Variants in PDE8A observed in about 807,000 individuals in gnomAD.
The protein encoded by PDE8A is high affinity cAMP-specific and IBMX-insensitive 3',5'-cyclic phosphodiesterase 8A.
PDE8A carries 59 observed loss-of-function variants against 105.0 expected under a neutral mutation model. That is an observed-to-expected ratio of 0.56 (90% CI 0.46 to 0.70). The LOEUF (loss-of-function observed/expected upper bound fraction) is 0.70. Ranked by LOEUF, PDE8A falls within the 30% of genes least tolerant of loss-of-function variation. The pLI is 0.00. For synonymous variants in PDE8A, 355 were observed against 371.9 expected, an observed-to-expected ratio of 0.95 and a Z score of 0.52; for missense variants, 1,014 against 1,045.9, an observed-to-expected ratio of 0.97 and a Z score of 0.42.
intron 3 of PDE8A, among the ~76,000 whole-genome samples, chr15:85,069,118 G>A (rs772027080): frequency 2.6e-5 from 4 of 152,290 alleles, no homozygotes; most frequent in Non-Finnish European, 4.4e-5. Flanking sequence ...AAAAAGTAAT[G>A]TTACGTGCTC....
At chr15:85,126,058 A>T in intron 19 of PDE8A, 149 bp from the exon 20 acceptor site, 1 of 484,982 alleles carries the variant, frequency 2.1e-6, no homozygotes, top group Non-Finnish European at 3.5e-6. Flanking sequence ...GCCAAGCTCA[A>T]TGCTCACAGT....
chr15:85,123,248 G>A, intron 19 of PDE8A, 55 bp downstream of exon 19: 5 of 1,567,482 alleles, frequency 3.2e-6, no homozygotes, highest in Non-Finnish European at 2.6e-6. Context: ...GTACTGTTGT[G>A]TTATGGAGAC....
At chr15:85,001,359 T>G (rs1473300059) in intron 1 of PDE8A, among the ~76,000 whole-genome samples, 3 of 152,162 alleles carry the variant, frequency 2.0e-5, no homozygotes, top group Non-Finnish European at 2.9e-5. Flanking sequence ...GTATTTGCAA[T>G]ATTCCATTAC....
intron 16 of PDE8A, among the ~76,000 whole-genome samples, chr15:85,116,577 G>A (rs2082100392): frequency 6.6e-6 from 1 of 152,190 alleles, no homozygotes; most frequent in Non-Finnish European, 1.5e-5. Flanking sequence ...CACAGAGAGT[G>A]GGAGCAGGAA....
chr15:85,089,031 G>A (rs2081597742), intron 6 of PDE8A, among the ~76,000 whole-genome samples: 2 of 152,090 alleles, frequency 1.3e-5, no homozygotes, highest in Admixed American at 6.5e-5. Flanking sequence ...GCTTGATGGG[G>A]TTCAGTCACT....
In PDE8A at chr15:85,082,583, TTCACCGTGG is replaced by T. The variant is rs2141500894; in HGVS notation, c.547-971_547-963del. Among the ~76,000 whole-genome samples the T allele has an allele frequency of 2.0e-5, 3 of 152,262 alleles. No homozygotes were observed. In the East Asian group the frequency reaches 5.8e-4, roughly 30 times the overall value. On this transcript the variant is annotated intron_variant, in intron 5 of 21. Coordinates refer to ENST00000394553, the MANE Select transcript of PDE8A (RefSeq NM_002605.3). ...TCACAGTTCAGACGGGTCATTTGCG[TTCACCGTGG>T]TAGTAGAAGGAACTCTTTAAGGGGA... is the stretch of plus-strand genomic sequence containing the variant.
intron 8 of PDE8A, 155 bp from the exon 9 acceptor site, chr15:85,097,793 A>T: frequency 1.7e-6 from 1 of 598,308 alleles, no homozygotes; most frequent in East Asian, 2.9e-5. Flanking sequence ...GAAGTTAAGA[A>T]AGAATTGTCC....
At chr15:85,006,842 A>T (rs1877306660) in intron 1 of PDE8A, among the ~76,000 whole-genome samples, 1 of 152,144 alleles carries the variant, frequency 6.6e-6, no homozygotes, top group African/African-American at 2.4e-5. Context: ...CCCTTCTGGC[A>T]TTAGAGACTT....
At chr15:85,049,602 A>G (rs1270070503) in intron 1 of PDE8A, among the ~76,000 whole-genome samples, 1 of 152,314 alleles carries the variant, frequency 6.6e-6, no homozygotes, top group Non-Finnish European at 1.5e-5. Context: ...TTATTTTTTA[A>G]AGGAAGAAAT....
intron 1 of PDE8A, among the ~76,000 whole-genome samples, chr15:85,051,495 G>A (rs2080972068): frequency 6.6e-6 from 1 of 151,998 alleles, no homozygotes; most frequent in African/African-American, 2.4e-5. Flanking sequence ...TAAGTCCCGG[G>A]GTACTTAGGG....
chr15:85,048,465 T>C (rs2080921131), intron 1 of PDE8A, among the ~76,000 whole-genome samples: 1 of 152,206 alleles, frequency 6.6e-6, no homozygotes, highest in Non-Finnish European at 1.5e-5. Flanking sequence ...CCCTGCTTTA[T>C]TGTGGCAGTA....
At chr15:85,019,698 G>T (rs903362806) in intron 1 of PDE8A, among the ~76,000 whole-genome samples, 15 of 152,008 alleles carry the variant, frequency 9.9e-5, no homozygotes, top group Non-Finnish European at 1.9e-4. Context: ...TCCTGCCTCA[G>T]CCTCCCAAGT....
chr15:85,095,877 T>A (rs35570249), intron 8 of PDE8A, among the ~76,000 whole-genome samples: 27,303 of 148,504 alleles, frequency 0.18, 2,948 homozygotes, highest in East Asian at 0.37. Flanking sequence ...TATATATATT[T>A]TTTTTATATA....
chr15:85,134,451 C>T (rs1311359154), intron 20 of PDE8A, among the ~76,000 whole-genome samples: 8 of 152,202 alleles, frequency 5.3e-5, no homozygotes, highest in African/African-American at 1.9e-4. Context: ...GGCAGAGACT[C>T]GTGTAGGGCT....
At chr15:85,047,775 C>G (rs911512065) in intron 1 of PDE8A, among the ~76,000 whole-genome samples, 3 of 152,056 alleles carry the variant, frequency 2.0e-5, no homozygotes, top group African/African-American at 7.2e-5. Context: ...GATTGTTTAC[C>G]TAGGAGGGAT....
intron 1 of PDE8A, among the ~76,000 whole-genome samples, chr15:85,006,597 A>G (rs983879269): frequency 6.6e-6 from 1 of 151,946 alleles, no homozygotes; most frequent in Non-Finnish European, 1.5e-5. Flanking sequence ...TATATTGTCT[A>G]TTACTTTGGC....
intron 1 of PDE8A, among the ~76,000 whole-genome samples, chr15:85,061,833 C>G (rs767668578): frequency 7.9e-5 from 12 of 152,078 alleles, no homozygotes; most frequent in Non-Finnish European, 1.3e-4. Flanking sequence ...CAATTGTCCC[C>G]TCTCTAAGTG....
chr15:85,095,138 G>C (rs1345353818), intron 8 of PDE8A, among the ~76,000 whole-genome samples: 1 of 152,098 alleles, frequency 6.6e-6, no homozygotes, highest in Admixed American at 6.5e-5. Flanking sequence ...GCAGACAGAA[G>C]GGAGGTAATA....
At chr15:85,096,742 C>T (rs2081761064) in intron 8 of PDE8A, among the ~76,000 whole-genome samples, 1 of 152,160 alleles carries the variant, frequency 6.6e-6, no homozygotes, top group Non-Finnish European at 1.5e-5. Flanking sequence ...CCCATACCTC[C>T]CTTCTACTCC....
Sources: gnomAD v4.1 joint callset for allele counts (sites outside exome capture counted in the v4.1 genomes callset) on GRCh38, gnomAD v4.1.1 for gene constraint, MANE v1.5 for transcripts, NCBI Gene and HGNC (gene_info 2026-07-23, HGNC 2026-07-21) for gene names.